DLGAP2: variants seen among roughly 807,000 people sequenced by gnomAD.
The protein encoded by DLGAP2 is disks large-associated protein 2.
Under a neutral mutation model 100.3 loss-of-function variants are expected in DLGAP2, and 26 were observed. The observed-to-expected ratio is 0.26, with a 90% CI of 0.19 to 0.36. The LOEUF is 0.36. Ranked by LOEUF, DLGAP2 falls within the 10% of genes least tolerant of loss-of-function variation. The probability of loss-of-function intolerance (pLI) is 1.00; values close to 1 mark genes in which losing one functional copy is unlikely to be tolerated. For missense variants in DLGAP2, 1,858 were observed against 1,453.2 expected, an observed-to-expected ratio of 1.28 and a Z score of -4.53; for synonymous variants, 886 against 630.1, an observed-to-expected ratio of 1.41 and a Z score of -6.08.
chr8:1,654,902 G>A (rs373920486), intron 8 of DLGAP2, among the ~76,000 whole-genome samples: 20 of 152,048 alleles, frequency 1.3e-4, no homozygotes, highest in African/African-American at 3.9e-4. Flanking sequence ...TGACTCTTCC[G>A]TTCACTAAAC....
rs879489536 is a variant in DLGAP2, at chr8:1,164,199, G to GA, written c.74-94651dup. On this transcript the variant is annotated intron_variant, in intron 2 of 14. Transcript: ENST00000637795. ...TTTTGGTTTGTGGGGATTTTTCTGT[G>GA]AGCCCCCAGGGCCCGTCATTTTGGT... Among the ~76,000 whole-genome samples the GA allele has an allele frequency of 9.0e-3, 829 of 92,482 alleles. 155 individuals are homozygous for GA. The highest frequency in any genetic ancestry group is 0.041 in the Middle Eastern group (4 of 98). 60.7% of individuals were successfully genotyped at this position (92,482 alleles called of 152,430 possible).
At chr8:769,126 G>A (rs957194871) in intron 1 of DLGAP2, among the ~76,000 whole-genome samples, 1 of 152,060 alleles carries the variant, frequency 6.6e-6, no homozygotes, top group Admixed American at 6.6e-5. Flanking sequence ...TGAGCAGCTC[G>A]GATCTCTAGA....
chr8:877,870 C>T (rs1183650529), intron 1 of DLGAP2, among the ~76,000 whole-genome samples: 2 of 152,238 alleles, frequency 1.3e-5, no homozygotes, highest in Non-Finnish European at 1.5e-5. Context: ...TTTTGTCCTG[C>T]TTCTCCAGCA....
At position 784,385 on chromosome 8, in the gene DLGAP2, C is replaced by T. The variant is rs143835815; in HGVS notation, c.18+46560C>T. ...GTATAGACAGAAAAAGAGAGGAAAA[C>T]GTCTTTTAAGCTTAAATATATGTTA... On this transcript the variant is annotated intron_variant, in intron 1 of 14. Coordinates refer to ENST00000637795, the MANE Select transcript of DLGAP2 (RefSeq NM_001346810.2). Among the ~76,000 whole-genome samples the T allele has an allele frequency of 3.3e-3, 496 of 152,168 alleles. 2 individuals carry two copies. The highest frequency in any genetic ancestry group is 4.5e-3 in the Non-Finnish European group (309 of 68,012).
chr8:892,241 C>T (rs1021388541), intron 1 of DLGAP2, among the ~76,000 whole-genome samples: 2 of 152,162 alleles, frequency 1.3e-5, no homozygotes, highest in Non-Finnish European at 2.9e-5. Flanking sequence ...CGGGGCAGCC[C>T]CTGCACACCC....
At chr8:1,085,219 C>T (rs888746049) in intron 2 of DLGAP2, among the ~76,000 whole-genome samples, 1 of 152,126 alleles carries the variant, frequency 6.6e-6, no homozygotes, top group Admixed American at 6.5e-5. Context: ...AATTTCTTTT[C>T]TTTCTATAGA....
At chr8:1,534,663 C>A (rs1044565443) in intron 4 of DLGAP2, among the ~76,000 whole-genome samples, 20 of 152,016 alleles carry the variant, frequency 1.3e-4, no homozygotes, top group African/African-American at 4.6e-4. Flanking sequence ...AAAGATGTTT[C>A]TTAAAGATGG....
At chr8:1,114,747 G>A (rs1255779302) in intron 2 of DLGAP2, among the ~76,000 whole-genome samples, 2 of 151,746 alleles carry the variant, frequency 1.3e-5, no homozygotes, top group East Asian at 1.9e-4. Flanking sequence ...CTTTGGAGTT[G>A]ATTTGTTCTT....
chr8:769,489 A>G (rs896243524), intron 1 of DLGAP2, among the ~76,000 whole-genome samples: 2 of 152,192 alleles, frequency 1.3e-5, no homozygotes, highest in African/African-American at 4.8e-5. Context: ...GAGAATCCCC[A>G]TGTAATTTTC....
At chr8:1,573,942 T>C (rs967864541) in intron 6 of DLGAP2, among the ~76,000 whole-genome samples, 1 of 152,146 alleles carries the variant, frequency 6.6e-6, no homozygotes. Context: ...CGTAGGTAAC[T>C]TACAAGTGTA....
chr8:739,576 G>A (rs995156878), intron 1 of DLGAP2: 2 of 152,210 alleles, frequency 1.3e-5, no homozygotes, highest in East Asian at 3.8e-4. Context: ...AGATAACCAA[G>A]GCCAAAAATG....
intron 3 of DLGAP2, among the ~76,000 whole-genome samples, chr8:1,291,142 C>T (rs944868009): frequency 1.3e-5 from 2 of 152,034 alleles, no homozygotes; most frequent in African/African-American, 2.4e-5. Context: ...ACAGTCATCA[C>T]GATGATTGGA....
At chr8:1,026,423 C>T (rs1801802022) in intron 2 of DLGAP2, among the ~76,000 whole-genome samples, 1 of 152,312 alleles carries the variant, frequency 6.6e-6, no homozygotes, top group South Asian at 2.1e-4. Flanking sequence ...GCCGCCTTGG[C>T]TGCACCCTGG....
intron 3 of DLGAP2, among the ~76,000 whole-genome samples, chr8:1,464,533 A>G (rs1457192821): frequency 2.0e-5 from 3 of 151,724 alleles, no homozygotes; most frequent in Non-Finnish European, 4.4e-5. Flanking sequence ...GCACCCTTCC[A>G]GGACAATACC....
At chr8:907,780 G>A (rs1470541026) in intron 1 of DLGAP2, 132 bp from the exon 2 acceptor site, 13 of 392,766 alleles carry the variant, frequency 3.3e-5, no homozygotes, top group Non-Finnish European at 4.9e-5. Flanking sequence ...TAATTTGTTA[G>A]GCCTTTCTGG....
intron 2 of DLGAP2, among the ~76,000 whole-genome samples, chr8:1,050,598 G>C (rs1339548622): frequency 1.3e-5 from 2 of 152,152 alleles, no homozygotes; most frequent in Admixed American, 6.6e-5. Context: ...GCAGGAACTT[G>C]GTGTTCTTAG....
intron 2 of DLGAP2, among the ~76,000 whole-genome samples, chr8:1,125,956 C>T (rs575820383): frequency 1.3e-5 from 2 of 152,306 alleles, no homozygotes; most frequent in Admixed American, 6.5e-5. Context: ...GCGCCCCATC[C>T]GCCCTTTCCT....
intron 2 of DLGAP2, among the ~76,000 whole-genome samples, chr8:961,506 G>C (rs1584926598): frequency 6.6e-6 from 1 of 152,206 alleles, no homozygotes. Context: ...GTAGACACCA[G>C]TTCTGTTTCT....
At position 1,548,795 on chromosome 8, in the gene DLGAP2, C is replaced by T. The variant is rs770241927; in HGVS notation, c.342C>T (p.Pro114=). The change falls in exon 5 of 15, where the codon CCC becomes CCT. Residue 114 remains proline (P), a synonymous_variant. Coordinates refer to ENST00000637795, the MANE Select transcript of DLGAP2 (RefSeq NM_001346810.2). ...PEDCEHLHHG[P]DARPPYLLSP... The stretch of plus-strand genomic sequence containing the variant: ...ACTGCGAGCACCTGCACCACGGGCC[C>T]GACGCGCGGCCGCCCTACCTGCTGA... 44 of 1,582,424 alleles carry T rather than the reference C, an allele frequency of 2.8e-5. No individual in the cohort carries two copies. Among genetic ancestry groups the T allele is most frequent in the African/African-American group, 4.0e-5 (3 of 74,180 alleles).
Sources: allele counts gnomAD v4.1 joint callset (sites outside exome capture counted in the v4.1 genomes callset), GRCh38; gene constraint gnomAD v4.1.1; transcripts MANE v1.5; gene names NCBI Gene and HGNC (gene_info 2026-07-23, HGNC 2026-07-21).